Variants in TLE1 observed in about 807,000 individuals in gnomAD.
TLE1 encodes TLE family member 1, transcriptional corepressor, also known as transducin-like enhancer protein 1.
A neutral mutation model predicts 89.8 loss-of-function variants in TLE1; 21 were observed. The ratio of observed to expected loss-of-function variants is 0.23; its 90% CI spans 0.17 to 0.34. The LOEUF is 0.34. Ranked by LOEUF, TLE1 falls within the 10% of genes least tolerant of loss-of-function variation. TLE1 has a pLI of 1.00. For missense variants in TLE1, 795 were observed against 1,031.2 expected (o/e 0.77, Z 3.14); for synonymous variants, 447 against 407.6 (o/e 1.10, Z -1.16).
intron 6 of TLE1, among the ~76,000 whole-genome samples, chr9:81,640,518 A>C (rs1267586479): frequency 6.6e-6 from 1 of 152,194 alleles, no homozygotes; most frequent in Non-Finnish European, 1.5e-5. Flanking sequence ...TTTGGGGATA[A>C]AGAGATCAGT....
chr9:81,622,101 G>A (rs1825341306), intron 8 of TLE1, among the ~76,000 whole-genome samples: 1 of 152,210 alleles, frequency 6.6e-6, no homozygotes, highest in Admixed American at 6.5e-5. Context: ...CAAGGCTGCA[G>A]GAGACCTAAC....
intron 14 of TLE1, among the ~76,000 whole-genome samples, chr9:81,596,286 T>C (rs1330762248): frequency 1.3e-5 from 2 of 152,122 alleles, no homozygotes; most frequent in Non-Finnish European, 2.9e-5. Context: ...TGAACACTCA[T>C]CCGTCCCACG....
chr9:81,618,068 C>G (rs146555451), intron 9 of TLE1, among the ~76,000 whole-genome samples: 1 of 152,194 alleles, frequency 6.6e-6, no homozygotes, highest in East Asian at 1.9e-4. Context: ...GCGATCATCC[C>G]TACATCAAGT....
intron 16 of TLE1, 130 bp from the exon 17 acceptor site, chr9:81,587,958 GTCTGCTGA>G: frequency 8.0e-6 from 8 of 996,884 alleles, no homozygotes; most frequent in Admixed American, 5.7e-5. Context: ...TCCCGCCAGT[GTCTGCTGA>G]TGTGCAAGAT....
At chr9:81,610,794 C>A (rs1486487088) in intron 13 of TLE1, among the ~76,000 whole-genome samples, 1 of 120,220 alleles carries the variant, frequency 8.3e-6, no homozygotes, top group Non-Finnish European at 1.6e-5. Flanking sequence ...CAGATATTAT[C>A]AAATGTCCTC....
chr9:81,686,821 A>G (rs1207096961), intron 2 of TLE1, among the ~76,000 whole-genome samples: 1 of 152,186 alleles, frequency 6.6e-6, no homozygotes, highest in African/African-American at 2.4e-5. Context: ...AAAGCAGGTG[A>G]GCTTTCTTCT....
intron 4 of TLE1, among the ~76,000 whole-genome samples, chr9:81,674,087 A>G (rs1015541801): frequency 6.6e-6 from 1 of 152,170 alleles, no homozygotes; most frequent in East Asian, 1.9e-4. Flanking sequence ...TCTCTAAATC[A>G]ATTTTCTCCC....
chr9:81,584,486 T>C lies in TLE1; in HGVS notation c.2167A>G (p.Asn723Asp). 4 of 1,614,188 alleles carry C rather than the reference T, an allele frequency of 2.5e-6. No homozygotes were observed. The highest frequency in any genetic ancestry group is 3.4e-6 in the Non-Finnish European group (4 of 1,180,030). ...GCTCCATAGGGGGTCCGCCAAGCATTGAGGAGGTTATCTTTTCCAGTACTC... is the reference window on the plus strand; with the variant it reads ...GCTCCATAGGGGGTCCGCCAAGCATCGAGGAGGTTATCTTTTCCAGTACTC... ...FVSTGKDNLL[N>D]AWRTPYGASI... Residue 723 changes from asparagine (N) to aspartate (D), a missense_variant, in exon 19 of 20, where the codon AAT (asparagine) becomes GAT (aspartate). Around this residue, in one of 4 missense-constraint regions of TLE1, gnomAD observed 214 missense variants for 354.9 expected, o/e 0.60. Transcript: ENST00000376499.
rs1291260714 is a variant in TLE1, at chr9:81,592,974, T to C, written c.1581+51A>G. ...CCAGGCCCACACAGCTATTTCCTTA[T>C]TGAATCTCCAGGGAGAAATTGCCCT... On this transcript the variant is annotated intron_variant, in intron 15 of 19. Transcript: ENST00000376499. The C allele has an allele frequency of 7.6e-6, 12 of 1,581,546 alleles. No individual in the cohort carries two copies. The African/African-American group carries it at 9.4e-5, about 12-fold the overall frequency.
intron 16 of TLE1, among the ~76,000 whole-genome samples, chr9:81,589,802 G>A (rs1023758375): frequency 6.6e-6 from 1 of 152,180 alleles, no homozygotes; most frequent in African/African-American, 2.4e-5. Context: ...ATAAAAGGTG[G>A]AGAGGGCGTT....
At chr9:81,603,706 T>C (rs1261298146) in intron 14 of TLE1, among the ~76,000 whole-genome samples, 1 of 152,192 alleles carries the variant, frequency 6.6e-6, no homozygotes, top group African/African-American at 2.4e-5. Context: ...TTTCTTTGTA[T>C]AAAAGTGATA....
At chr9:81,675,733 GCT>G (rs1256640566) in intron 4 of TLE1, among the ~76,000 whole-genome samples, 4 of 111,860 alleles carry the variant, frequency 3.6e-5, no homozygotes, top group Non-Finnish European at 7.0e-5. Context: ...ACGGAGTCTC[GCT>G]CTGTCGCCAG....
At chr9:81,615,712 CA>C (rs371090700) in intron 11 of TLE1, among the ~76,000 whole-genome samples, 44,689 of 97,226 alleles carry the variant, frequency 0.46, 7,011 homozygotes, top group Non-Finnish European at 0.5. Context: ...GACTCCGTCT[CA>C]AAAAAAAAAA....
intron 14 of TLE1, among the ~76,000 whole-genome samples, chr9:81,595,903 C>CTTCTCAAA (rs1830140945): frequency 6.6e-6 from 1 of 151,816 alleles, no homozygotes; most frequent in Non-Finnish European, 1.5e-5. Context: ...GGAGAAACTG[C>CTTCTCAAA]TTCTCAAAGA....
At chr9:81,611,081 G>A (rs2132053110) in intron 13 of TLE1, among the ~76,000 whole-genome samples, 1 of 152,318 alleles carries the variant, frequency 6.6e-6, no homozygotes, top group South Asian at 2.1e-4. Context: ...AAACAGCCAA[G>A]AGAAATGACG....
chr9:81,630,935 C>G (rs186930627), intron 8 of TLE1, among the ~76,000 whole-genome samples: 57 of 152,270 alleles, frequency 3.7e-4, no homozygotes, highest in African/African-American at 1.3e-3. Context: ...GAATTAAATG[C>G]TTAGGTTACA....
At chr9:81,606,725 TG>T (rs1831711034) in intron 14 of TLE1, among the ~76,000 whole-genome samples, 1 of 151,744 alleles carries the variant, frequency 6.6e-6, no homozygotes, top group Non-Finnish European at 1.5e-5. Flanking sequence ...TGTATACCTA[TG>T]TAACAAACCT....
At chr9:81,607,500 C>T (rs935072375) in intron 14 of TLE1, among the ~76,000 whole-genome samples, 5 of 152,214 alleles carry the variant, frequency 3.3e-5, no homozygotes, top group African/African-American at 9.7e-5. Flanking sequence ...ACACACGCCC[C>T]GTACCTCTAA....
chr9:81,631,461 A>G (rs1826594687), intron 8 of TLE1, among the ~76,000 whole-genome samples: 1 of 152,258 alleles, frequency 6.6e-6, no homozygotes, highest in African/African-American at 2.4e-5. Context: ...AGTAAGTTAT[A>G]GGACTTTTGC....
Sources: gnomAD v4.1 joint callset for allele counts (sites outside exome capture counted in the v4.1 genomes callset) on GRCh38, gnomAD v4.1.1 for gene constraint, gnomAD v4.1.1 regional missense constraint, MANE v1.5 for transcripts, NCBI Gene and HGNC (gene_info 2026-07-23, HGNC 2026-07-21) for gene names.